The following LHFPL2 variants were observed in gnomAD, a reference collection of about 807,000 sequenced individuals.
The protein encoded by LHFPL2 is LHFPL tetraspan subfamily member 2, also known as LHFPL tetraspan subfamily member 2 protein.
In LHFPL2, 7 loss-of-function variants were observed where a neutral mutation model predicts 17.5. The ratio of observed to expected loss-of-function variants is 0.40; its 90% CI spans 0.23 to 0.75. The LOEUF is 0.75. Ranked by LOEUF, LHFPL2 falls within the 30% of genes least tolerant of loss-of-function variation. The pLI is 0.37. For missense variants in LHFPL2, 241 were observed against 294.8 expected, an observed-to-expected ratio of 0.82 and a Z score of 1.34; for synonymous variants, 134 against 116.2, an observed-to-expected ratio of 1.15 and a Z score of -0.99.
intron 2 of LHFPL2, among the ~76,000 whole-genome samples, chr5:78,566,857 A>G (rs2112419332): frequency 6.6e-6 from 1 of 152,348 alleles, no homozygotes; most frequent in Admixed American, 6.5e-5. Context: ...GGAAGTCATG[A>G]TCAGTATTTT....
chr5:78,580,020 A>C (rs939381088), intron 2 of LHFPL2, among the ~76,000 whole-genome samples: 4 of 152,090 alleles, frequency 2.6e-5, no homozygotes, highest in African/African-American at 7.2e-5. Context: ...GTTGTTTCCT[A>C]ACTTTTTAAT....
At chr5:78,631,708 G>A (rs1745255436) in intron 2 of LHFPL2, among the ~76,000 whole-genome samples, 2 of 152,322 alleles carry the variant, frequency 1.3e-5, no homozygotes, top group South Asian at 4.1e-4. Flanking sequence ...GGCCAACGCA[G>A]GCGGATCACT....
At chr5:78,624,626 T>G (rs897889705) in intron 2 of LHFPL2, among the ~76,000 whole-genome samples, 1 of 152,224 alleles carries the variant, frequency 6.6e-6, no homozygotes, top group Non-Finnish European at 1.5e-5. Context: ...TTTAGCAACT[T>G]TTAATCTTGA....
intron 2 of LHFPL2, among the ~76,000 whole-genome samples, chr5:78,624,250 G>C (rs2112503856): frequency 6.6e-6 from 1 of 152,346 alleles, no homozygotes; most frequent in Middle Eastern, 3.4e-3. Flanking sequence ...CCCACCGGGA[G>C]ATGGGCTGTC....
chr5:78,577,977 GTTATCCTAA>G lies in LHFPL2; in HGVS notation c.-244-13115_-244-13107del, dbSNP rs955295087. ...AAGAGATGTTTACCTGACCCCAAAT[GTTATCCTAA>G]TGAAAACTCTGTTTTTAATTCTTTG... On this transcript the variant is annotated intron_variant, in intron 2 of 4. Transcript: ENST00000380345. 1.6e-4 allele frequency among the ~76,000 whole-genome samples: 24 copies of G among 152,262 alleles called. 1 individual carries two copies. Among genetic ancestry groups the G allele is most frequent in the South Asian group, 2.1e-4 (1 of 4,822 alleles).
At chr5:78,513,384 C>T (rs1045127865) in intron 3 of LHFPL2, among the ~76,000 whole-genome samples, 1 of 152,162 alleles carries the variant, frequency 6.6e-6, no homozygotes, top group Admixed American at 6.5e-5. Flanking sequence ...ATTCACTGCA[C>T]CAAATTCTCA....
chr5:78,577,586 T>G (rs1371337746), intron 2 of LHFPL2, among the ~76,000 whole-genome samples: 1 of 152,202 alleles, frequency 6.6e-6, no homozygotes, highest in African/African-American at 2.4e-5. Context: ...TCCATTTGCC[T>G]GGCTCACTAC....
intron 1 of LHFPL2, among the ~76,000 whole-genome samples, chr5:78,637,755 C>G (rs1653321204): frequency 6.6e-6 from 1 of 152,198 alleles, no homozygotes; most frequent in Non-Finnish European, 1.5e-5. Context: ...ACGGAGAGAG[C>G]TTGTTAGAGA....
chr5:78,572,345 GAGTT>G (rs1435823763), intron 2 of LHFPL2, among the ~76,000 whole-genome samples: 1 of 151,984 alleles, frequency 6.6e-6, no homozygotes, highest in Non-Finnish European at 1.5e-5. Flanking sequence ...TGTATTAAAA[GAGTT>G]AGGGCATGTG....
chr5:78,645,817 G>GT (rs1307494997), intron 1 of LHFPL2, among the ~76,000 whole-genome samples: 1 of 152,046 alleles, frequency 6.6e-6, no homozygotes, highest in African/African-American at 2.4e-5. Flanking sequence ...CCCTGACCTC[G>GT]TGATCCACCC....
chr5:78,571,732 C>T (rs1398943373), intron 2 of LHFPL2, among the ~76,000 whole-genome samples: 2 of 152,244 alleles, frequency 1.3e-5, no homozygotes, highest in African/African-American at 4.8e-5. Context: ...CAACACACCC[C>T]TCTGTGCCTC....
chr5:78,606,097 G>A (rs1281716311), intron 2 of LHFPL2, among the ~76,000 whole-genome samples: 1 of 152,184 alleles, frequency 6.6e-6, no homozygotes, highest in Non-Finnish European at 1.5e-5. Context: ...TGCCCACTCT[G>A]CCTTAGGCAA....
chr5:78,621,515 CA>C (rs1436500796), intron 2 of LHFPL2, among the ~76,000 whole-genome samples: 2 of 152,134 alleles, frequency 1.3e-5, no homozygotes, highest in African/African-American at 2.4e-5. Context: ...ACTTACAAAT[CA>C]AAAGCTGTCA....
intron 4 of LHFPL2, among the ~76,000 whole-genome samples, chr5:78,489,472 T>C (rs905971343): frequency 6.6e-6 from 1 of 152,172 alleles, no homozygotes; most frequent in African/African-American, 2.4e-5. Flanking sequence ...GTGGTGCAGT[T>C]GTAGCTCACT....
chr5:78,547,291 T>A (rs754987356), intron 3 of LHFPL2, among the ~76,000 whole-genome samples: 1 of 152,250 alleles, frequency 6.6e-6, no homozygotes, highest in Admixed American at 6.5e-5. Context: ...GCTTCCTAAA[T>A]GTTCCCAACA....
In LHFPL2 at chr5:78,551,186, G is replaced by A. The variant is rs1239136393; in HGVS notation, c.-186+13627C>T. Among the ~76,000 whole-genome samples, 8 of 152,332 alleles carry A rather than the reference G, an allele frequency of 5.3e-5. No individual in the cohort carries two copies. The East Asian group carries it at 1.2e-3, about 22-fold the overall frequency. On this transcript the variant is annotated intron_variant, in intron 3 of 4. Coordinates refer to ENST00000380345, the MANE Select transcript of LHFPL2 (RefSeq NM_005779.3). ...GGAATAAAAGTGAATCTAGAGGAAC[G>A]GGGAATTCCGTGGGAAAAAACACCT...
At chr5:78,568,698 T>G (rs1756920984) in intron 2 of LHFPL2, among the ~76,000 whole-genome samples, 1 of 152,076 alleles carries the variant, frequency 6.6e-6, no homozygotes, top group African/African-American at 2.4e-5. Flanking sequence ...TGGGGTGGGT[T>G]AAGAAACAGT....
chr5:78,645,145 G>A (rs1013956366), intron 1 of LHFPL2, among the ~76,000 whole-genome samples: 6 of 152,110 alleles, frequency 3.9e-5, no homozygotes, highest in Non-Finnish European at 7.4e-5. Flanking sequence ...GCTGGAGAGT[G>A]GAAGGCAAGG....
At position 78,627,915 on chromosome 5, in the gene LHFPL2, A is replaced by G. The variant is rs1248375959; in HGVS notation, c.-245+4349T>C. ...CTCAGAAGCAAAAGACTAAGTCCCA[A>G]CTCTGCAGGAGCTCATTTCTCTGGT... On this transcript the variant is annotated intron_variant, in intron 2 of 4. Transcript: ENST00000380345. Among the ~76,000 whole-genome samples, 5 of 152,168 alleles carry G rather than the reference A, an allele frequency of 3.3e-5. No homozygotes were observed. The East Asian group carries it at 5.8e-4, about 18-fold the overall frequency.
Sources: gnomAD v4.1 joint callset for allele counts (sites outside exome capture counted in the v4.1 genomes callset) on GRCh38, gnomAD v4.1.1 for gene constraint, MANE v1.5 for transcripts, NCBI Gene and HGNC (gene_info 2026-07-23, HGNC 2026-07-21) for gene names.